Variants in FBP1 observed in about 807,000 individuals in gnomAD.
FBP1 encodes the protein fructose-1,6-bisphosphatase 1.
A neutral mutation model predicts 29.9 loss-of-function variants in FBP1; 22 were observed. That is an observed-to-expected ratio of 0.74 (90% confidence interval 0.53 to 1.05). The LOEUF (loss-of-function observed/expected upper bound fraction) is 1.05, where lower values mean the gene tolerates loss of function less well. Ranked by LOEUF, FBP1 falls within the 50% of genes least tolerant of loss-of-function variation. The pLI is 0.00. For missense variants in FBP1, 345 were observed against 448.2 expected (o/e 0.77, Z 2.08); for synonymous variants, 175 against 178.6 (o/e 0.98, Z 0.16).
chr9:94,607,786 C>G (rs533721102), intron 4 of FBP1, among the ~76,000 whole-genome samples: 2 of 151,720 alleles, frequency 1.3e-5, no homozygotes, highest in East Asian at 1.9e-4. Context: ...GGCCCACCGA[C>G]ACCTCTCTAC....
Position 94,639,474 on chromosome 9 carries a change from C to T in FBP1, c.-164G>A. 1.3e-6 allele frequency: 1 copy of T among 773,830 alleles called. No homozygotes were observed. The allele number at this position is 773,830 out of a possible 1,614,324, so 47.9% of individuals were successfully genotyped here. A position where few individuals can be genotyped will look rare whatever the true frequency, so the allele number is the denominator to read the frequency against. ...CCTGGCGGGAGGACTGACAGACCGA[C>T]TGCCGCCCCGAGTGTCCGCAGCGCT... On this transcript the variant is annotated 5_prime_UTR_variant, in exon 1 of 7. Coordinates refer to ENST00000375326, the MANE Select transcript of FBP1 (RefSeq NM_000507.4).
chr9:94,620,978 C>T (rs529715107), intron 1 of FBP1, among the ~76,000 whole-genome samples: 25 of 152,258 alleles, frequency 1.6e-4, no homozygotes, highest in Non-Finnish European at 2.9e-4. Flanking sequence ...CTTTGGGAGG[C>T]TGAGGCGGGT....
At chr9:94,604,257 G>A (rs1827658702) in intron 6 of FBP1, among the ~76,000 whole-genome samples, 1 of 151,774 alleles carries the variant, frequency 6.6e-6, no homozygotes, top group Non-Finnish European at 1.5e-5. Context: ...AAAAGAAGGA[G>A]CCTCAATATT....
chr9:94,619,507 C>T (rs971078348), intron 2 of FBP1, among the ~76,000 whole-genome samples: 15 of 152,086 alleles, frequency 9.9e-5, no homozygotes, highest in African/African-American at 3.4e-4. Context: ...GTTGTTGAGG[C>T]CCTCCAATGT....
At chr9:94,609,268 G>C (rs1827747502) in intron 4 of FBP1, among the ~76,000 whole-genome samples, 1 of 152,056 alleles carries the variant, frequency 6.6e-6, no homozygotes, top group Non-Finnish European at 1.5e-5. Flanking sequence ...AAATGTGGGA[G>C]CTATTTTTGA....
chr9:94,608,239 G>A (rs936122163), intron 4 of FBP1, among the ~76,000 whole-genome samples: 2 of 152,156 alleles, frequency 1.3e-5, no homozygotes, highest in South Asian at 2.1e-4. Context: ...TGCAGCAAGC[G>A]CAAACAAAGA....
In FBP1 at chr9:94,611,921, GAGAAAACCACAAACC is replaced by G. The variant is rs28369718; in HGVS notation, c.427-1875_427-1861del. On this transcript the variant is annotated intron_variant, in intron 3 of 6. Coordinates refer to ENST00000375326, the MANE Select transcript of FBP1 (RefSeq NM_000507.4). ...AAGCATAACAACTACTCATATAAAT[GAGAAAACCACAAACC>G]AGAAAACCACAAACCCATTTCTTTC... Among the ~76,000 whole-genome samples, 59 of 152,244 alleles carry G rather than the reference GAGAAAACCACAAACC, an allele frequency of 3.9e-4. 1 individual carries two copies. In the East Asian group the frequency reaches 9.8e-3, roughly 25 times the overall value.
intron 4 of FBP1, 76 bp from the exon 5 acceptor site, chr9:94,607,028 G>A: frequency 6.3e-7 from 1 of 1,596,894 alleles, no homozygotes; most frequent in East Asian, 2.2e-5. Flanking sequence ...GGCGAGCGAT[G>A]GGCTGGGCTA....
rs1828252096 is a variant in FBP1, at chr9:94,639,451, T to C, written c.-141A>G. The C allele has an allele frequency of 1.0e-6, 1 of 962,514 alleles. No individual in the cohort carries two copies. The highest frequency in any genetic ancestry group is 1.6e-6 in the Non-Finnish European group (1 of 624,852). 59.6% of individuals were successfully genotyped at this position (962,514 alleles called of 1,614,324 possible). ...GGCGGCAGGTGCGGGCCGCGGGACC[T>C]GGCGGGAGGACTGACAGACCGACTG... On this transcript the variant is annotated 5_prime_UTR_variant, in exon 1 of 7. Coordinates refer to ENST00000375326, the MANE Select transcript of FBP1 (RefSeq NM_000507.4).
intron 1 of FBP1, among the ~76,000 whole-genome samples, chr9:94,621,213 CAAAAAAAAAAAAA>C (rs57221045): frequency 4.5e-5 from 2 of 43,984 alleles, no homozygotes; most frequent in African/African-American, 9.4e-5. Context: ...GACTCCGTCT[CAAAAAAAAAAAAA>C]AAAAAAAAAA....
chr9:94,626,124 C>A (rs1828023523), intron 1 of FBP1, among the ~76,000 whole-genome samples: 1 of 152,210 alleles, frequency 6.6e-6, no homozygotes. Context: ...TTCCCCTCTT[C>A]TAGCAGGAAG....
chr9:94,608,030 CA>C (rs1255189766), intron 4 of FBP1, among the ~76,000 whole-genome samples: 2 of 152,084 alleles, frequency 1.3e-5, no homozygotes, highest in East Asian at 1.9e-4. Flanking sequence ...AAATGTCTTT[CA>C]AAAAACTATA....
At chr9:94,618,266 C>T (rs1053024285) in intron 2 of FBP1, among the ~76,000 whole-genome samples, 2 of 151,870 alleles carry the variant, frequency 1.3e-5, no homozygotes, top group African/African-American at 4.8e-5. Flanking sequence ...GGGTTGAGAT[C>T]TATAAGAAAC....
rs375131927 is a variant in FBP1, at chr9:94,618,707, G to T, written c.334-847C>A. On this transcript the variant is annotated intron_variant, in intron 2 of 6. Coordinates refer to ENST00000375326, the MANE Select transcript of FBP1 (RefSeq NM_000507.4). ...AAGTAGATAACTTTCAGTGGTAGTG[G>T]GAATACCGCAGATTCCTGTTTTGAG... Among the ~76,000 whole-genome samples the T allele has an allele frequency of 3.9e-5, 6 of 152,192 alleles. No individual in the cohort carries two copies. The East Asian group carries it at 9.6e-4, about 24-fold the overall frequency.
chr9:94,605,516 T>G lies in FBP1; in HGVS notation c.766A>C (p.Thr256Pro). ...VGSMVADVHR[T>P]LVYGGIFLYP... ...AGAAATATCCCTCCGTAGACCAGAG[T>G]GCGATGAACATCAGCCACCATGGAG... The change falls in exon 6 of 7, where the codon ACT becomes CCT. Residue 256 changes from threonine (T) to proline (P), a missense_variant. Transcript: ENST00000375326. The G allele has an allele frequency of 1.2e-6, 2 of 1,613,804 alleles. No homozygotes were observed. The highest frequency in any genetic ancestry group is 1.7e-6 in the Non-Finnish European group (2 of 1,179,882).
At chr9:94,633,732 T>C (rs1281475942) in intron 1 of FBP1, among the ~76,000 whole-genome samples, 1 of 151,086 alleles carries the variant, frequency 6.6e-6, no homozygotes, top group Non-Finnish European at 1.5e-5. Context: ...TGAGACGGAG[T>C]CTCCCTATGT....
Position 94,617,841 on chromosome 9 carries a change from A to G in FBP1, c.353T>C (p.Phe118Ser), listed in dbSNP as rs766641257. 3 of 1,613,510 alleles carry G rather than the reference A, an allele frequency of 1.9e-6. No individual in the cohort carries two copies. The highest frequency in any genetic ancestry group is 1.7e-5 in the Admixed American group (1 of 60,010). Residue 118 changes from phenylalanine (F) to serine (S), a missense_variant, in exon 3 of 7, where the codon TTT becomes TCT. Physicochemically the swap from Phe to Ser is radical, Grantham distance 155. Coordinates refer to ENST00000375326, the MANE Select transcript of FBP1 (RefSeq NM_000507.4). Reference protein sequence around the residue: ...PEKRGKYVVCFDPLDGSSNID... With the variant: ...PEKRGKYVVCSDPLDGSSNID... ...GTTGGAAGATCCATCAAGGGGATCA[A>G]AACAGACCACATATTTACCCTGAGC...
intron 4 of FBP1, 38 bp downstream of exon 4, chr9:94,609,883 C>T (rs1195558909): frequency 1.2e-6 from 2 of 1,612,270 alleles, no homozygotes; most frequent in Non-Finnish European, 1.7e-6. Flanking sequence ...TGCTCACAGA[C>T]ACCAGCCAAG....
At chr9:94,629,341 C>A (rs888532667) in intron 1 of FBP1, among the ~76,000 whole-genome samples, 7 of 152,180 alleles carry the variant, frequency 4.6e-5, no homozygotes, top group African/African-American at 1.7e-4. Context: ...TCGTGCCCTT[C>A]ACAGATCCAT....
Sources: allele counts gnomAD v4.1 joint callset (sites outside exome capture counted in the v4.1 genomes callset), GRCh38; gene constraint gnomAD v4.1.1; transcripts MANE v1.5; gene names NCBI Gene and HGNC (gene_info 2026-07-23, HGNC 2026-07-21).